PHC3: variants seen among roughly 807,000 people sequenced by gnomAD.
PHC3 encodes polyhomeotic-like protein 3.
PHC3 carries 13 observed loss-of-function variants against 107.4 expected under a neutral mutation model. The observed-to-expected ratio is 0.12, with a 90% CI of 0.08 to 0.19. The LOEUF (loss-of-function observed/expected upper bound fraction) is 0.19, where lower values mean the gene tolerates loss of function less well. PHC3 is among the 10% of genes least tolerant of loss of function. PHC3 has a pLI of 1.00. For missense variants in PHC3, 992 were observed against 1,210.9 expected (o/e 0.82, Z 2.68); for synonymous variants, 456 against 427.4 (o/e 1.07, Z -0.83).
At chr3:170,170,781 A>C (rs1729469904) in intron 4 of PHC3, 1 of 152,174 alleles carries the variant, frequency 6.6e-6, no homozygotes, top group Admixed American at 6.6e-5. Context: ...ATTATACCAA[A>C]ATTAAAAGCT....
chr3:170,102,936 T>C lies in PHC3; in HGVS notation c.2469-2A>G, dbSNP rs1715757806. 6.2e-7 allele frequency: 1 copy of C among 1,608,964 alleles called. No homozygotes were observed. Among genetic ancestry groups the C allele is most frequent in the Non-Finnish European group, 8.5e-7 (1 of 1,177,068 alleles). ...TTTTTAGAACAGCTAACATTGTACCTAAGAAATTCAAGAAAGAAAAAATAT... is the reference window on the plus strand; with the variant it reads ...TTTTTAGAACAGCTAACATTGTACCCAAGAAATTCAAGAAAGAAAAAATAT... On this transcript the variant is annotated splice_acceptor_variant, in intron 12 of 14. Coordinates refer to ENST00000495893, the MANE Select transcript of PHC3 (RefSeq NM_024947.4). LOFTEE classifies it high-confidence loss of function.
intron 6 of PHC3, among the ~76,000 whole-genome samples, chr3:170,140,550 G>A (rs2108533161): frequency 6.9e-6 from 1 of 145,698 alleles, no homozygotes; most frequent in South Asian, 2.2e-4. Flanking sequence ...CACTGTGCCA[G>A]CCTCTGGGTC....
chr3:170,125,414 C>T (rs895877510), intron 8 of PHC3, among the ~76,000 whole-genome samples: 7 of 152,264 alleles, frequency 4.6e-5, no homozygotes, highest in African/African-American at 1.7e-4. Flanking sequence ...GTTTTATCGA[C>T]CAGTTCAATT....
At chr3:170,127,502 A>G (rs1721513162) in intron 8 of PHC3, among the ~76,000 whole-genome samples, 1 of 122,200 alleles carries the variant, frequency 8.2e-6, no homozygotes. Flanking sequence ...CAGAAGGTAT[A>G]ATTCAATCTC....
chr3:170,115,399 C>T (rs1424428198), intron 10 of PHC3, among the ~76,000 whole-genome samples: 2 of 151,940 alleles, frequency 1.3e-5, no homozygotes, highest in African/African-American at 2.4e-5. Context: ...AACACATATA[C>T]ATTAAAACCA....
At position 170,089,140 on chromosome 3, in the gene PHC3, C is replaced by G. The variant is rs566118703; in HGVS notation, c.*8090G>C. 6 of 152,294 alleles carry G rather than the reference C, an allele frequency of 3.9e-5. No individual in the cohort carries two copies. The highest frequency in any genetic ancestry group is 1.2e-4 in the African/African-American group (5 of 41,538). The allele number at this position is 152,294 out of a possible 1,614,324, so 9.4% of individuals were successfully genotyped here. On this transcript the variant is annotated 3_prime_UTR_variant, in exon 15 of 15. Coordinates refer to ENST00000495893, the MANE Select transcript of PHC3 (RefSeq NM_024947.4). ...CAAGATCACACCGCTGCACTCAAGC[C>G]TGGGTGACAGTGAGACTCTGTCTCA...
At chr3:170,105,938 G>A (rs1576974343) in intron 12 of PHC3, among the ~76,000 whole-genome samples, 3 of 152,276 alleles carry the variant, frequency 2.0e-5, no homozygotes, top group South Asian at 4.1e-4. Flanking sequence ...TCAGCCAGGC[G>A]TGGTGGCTCA....
chr3:170,126,530 T>TATATCTATA lies in PHC3; in HGVS notation c.1788+2153_1788+2154insTATAGATAT, dbSNP rs1560059403. 9.6e-5 allele frequency among the ~76,000 whole-genome samples: 7 copies of TATATCTATA among 72,890 alleles called. 1 individual carries two copies. The highest frequency in any genetic ancestry group is 4.1e-4 in the African/African-American group (7 of 17,152). The allele number at this position is 72,890 out of a possible 152,430, so 47.8% of individuals were successfully genotyped here. On this transcript the variant is annotated intron_variant, in intron 8 of 14. Transcript: ENST00000495893. ...TATATATATATATATATATATATAT[T>TATATCTATA]TTTTTTTTTTTTTCCTTTTTCTTTT...
At chr3:170,164,233 G>A (rs1461282689) in intron 4 of PHC3, among the ~76,000 whole-genome samples, 1 of 152,058 alleles carries the variant, frequency 6.6e-6, no homozygotes, top group East Asian at 1.9e-4. Context: ...AAATACAGGA[G>A]AGCTTTAAAC....
chr3:170,179,025 G>GTT, intron 1 of PHC3, 87 bp from the exon 2 acceptor site: 12 of 1,312,964 alleles, frequency 9.1e-6, no homozygotes, highest in Non-Finnish European at 1.3e-5. Context: ...ATAATCAGCA[G>GTT]TAATCTAAAC....
intron 6 of PHC3, among the ~76,000 whole-genome samples, chr3:170,142,886 T>C (rs992244507): frequency 2.0e-5 from 3 of 152,132 alleles, no homozygotes; most frequent in African/African-American, 7.2e-5. Flanking sequence ...AGAAGATCAT[T>C]ATTTCAGGCT....
intron 5 of PHC3, 143 bp from the exon 6 acceptor site, chr3:170,145,664 G>A: frequency 6.3e-6 from 3 of 477,488 alleles, no homozygotes; most frequent in Non-Finnish European, 1.1e-5. Flanking sequence ...GGTTCTACAT[G>A]ACAAAGAGAA....
At chr3:170,143,039 T>G (rs1281939823) in intron 6 of PHC3, among the ~76,000 whole-genome samples, 1 of 151,904 alleles carries the variant, frequency 6.6e-6, no homozygotes, top group African/African-American at 2.4e-5. Context: ...TAGCCAGGTG[T>G]GGAGGCACAC....
At chr3:170,100,313 A>C (rs1715273599) in intron 14 of PHC3, among the ~76,000 whole-genome samples, 1 of 152,176 alleles carries the variant, frequency 6.6e-6, no homozygotes, top group Non-Finnish European at 1.5e-5. Flanking sequence ...AGCTAAAAGA[A>C]GCTCAAAACG....
At chr3:170,169,191 T>A (rs1051969930) in intron 4 of PHC3, among the ~76,000 whole-genome samples, 1 of 152,162 alleles carries the variant, frequency 6.6e-6, no homozygotes, top group African/African-American at 2.4e-5. Flanking sequence ...AATATTCCAT[T>A]TCCCCATTGG....
intron 1 of PHC3, 122 bp from the exon 2 acceptor site, chr3:170,179,060 C>G: frequency 1.1e-6 from 1 of 890,272 alleles, no homozygotes; most frequent in East Asian, 2.4e-5. Context: ...TCATAAAAGA[C>G]AGCCAACACA....
Position 170,136,443 on chromosome 3 carries a change from T to C in PHC3, c.895A>G (p.Ser299Gly). The C allele has an allele frequency of 6.2e-7, 1 of 1,607,546 alleles. No individual in the cohort carries two copies. The highest frequency in any genetic ancestry group is 8.5e-7 in the Non-Finnish European group (1 of 1,177,846). Reference protein sequence around the residue: ...SRSTAVTRTSSIHQLIAPASY... With the variant: ...SRSTAVTRTSGIHQLIAPASY... ...CCTGGTGCTATTAACTGGTGAATAC[T>C]TGATGTCCGGGTGACAGCTGTGCTT... Residue 299 changes from serine to glycine, a missense_variant, in exon 7 of 15, where the codon AGT (serine) becomes GGT (glycine). Coordinates refer to ENST00000495893, the MANE Select transcript of PHC3 (RefSeq NM_024947.4).
chr3:170,117,111 G>A, intron 10 of PHC3, 115 bp downstream of exon 10: 5 of 1,302,780 alleles, frequency 3.8e-6, no homozygotes, highest in Non-Finnish European at 4.3e-6. Flanking sequence ...AGATTAAAAT[G>A]GACAACTTTC....
intron 11 of PHC3, among the ~76,000 whole-genome samples, chr3:170,111,378 AAG>A (rs577839739): frequency 1.3e-3 from 194 of 150,078 alleles, no homozygotes; most frequent in African/African-American, 3.8e-3. Flanking sequence ...AAAAGAAAGA[AAG>A]AGAGAGAAAG....
Sources: allele counts gnomAD v4.1 joint callset (sites outside exome capture counted in the v4.1 genomes callset), GRCh38; gene constraint gnomAD v4.1.1; transcripts MANE v1.5; gene names NCBI Gene and HGNC (gene_info 2026-07-23, HGNC 2026-07-21).